Variants in CCDC146 observed in about 807,000 individuals in gnomAD.
The protein encoded by CCDC146 is coiled-coil domain-containing protein 146.
Under a neutral mutation model 119.3 loss-of-function variants are expected in CCDC146, and 92 were observed. The ratio of observed to expected loss-of-function variants is 0.77; its 90% CI spans 0.65 to 0.92. The LOEUF is 0.92. CCDC146 is among the 40% of genes least tolerant of loss of function. The pLI is 0.00. For missense variants in CCDC146, 1,000 were observed against 1,103.0 expected (o/e 0.91, Z 1.32); for synonymous variants, 372 against 371.8 (o/e 1.00, Z -0.01).
chr7:77,171,681 G>A (rs1310660660), intron 2 of CCDC146, among the ~76,000 whole-genome samples: 1 of 152,096 alleles, frequency 6.6e-6, no homozygotes, highest in Non-Finnish European at 1.5e-5. Context: ...TGCCCATCAG[G>A]GCTCTTCTAA....
intron 2 of CCDC146, among the ~76,000 whole-genome samples, chr7:77,197,893 A>G (rs1791905578): frequency 6.6e-6 from 1 of 152,224 alleles, no homozygotes; most frequent in Non-Finnish European, 1.5e-5. Context: ...AAAGTTCTGT[A>G]TGAATCAGAC....
intron 14 of CCDC146, among the ~76,000 whole-genome samples, chr7:77,281,113 C>CAAAAA (rs368247535): frequency 2.9e-3 from 386 of 131,698 alleles, no homozygotes; most frequent in African/African-American, 9.5e-3. Context: ...CAAAAACAAA[C>CAAAAA]AAAAAAAAAA....
chr7:77,130,843 C>T (rs1397230535), intron 1 of CCDC146, among the ~76,000 whole-genome samples: 6 of 150,336 alleles, frequency 4.0e-5, no homozygotes, highest in South Asian at 2.1e-4. Context: ...GTGATCCGCC[C>T]GTCTGGGCCT....
chr7:77,262,853 C>A (rs1793327206), intron 9 of CCDC146, among the ~76,000 whole-genome samples: 1 of 152,190 alleles, frequency 6.6e-6, no homozygotes, highest in African/African-American at 2.4e-5. Context: ...TCTGTGTTCC[C>A]AAGTGAGGGG....
At chr7:77,148,720 C>G (rs2065568910) in intron 1 of CCDC146, among the ~76,000 whole-genome samples, 1 of 152,158 alleles carries the variant, frequency 6.6e-6, no homozygotes, top group South Asian at 2.1e-4. Flanking sequence ...GAGTAAACTC[C>G]CATTCACAAT....
At chr7:77,233,907 ATT>A (rs11317661) in intron 2 of CCDC146, among the ~76,000 whole-genome samples, 213 of 144,614 alleles carry the variant, frequency 1.5e-3, no homozygotes, top group South Asian at 0.013. Context: ...GTATTCTATC[ATT>A]TTTTTTTTTT....
intron 11 of CCDC146, among the ~76,000 whole-genome samples, chr7:77,275,412 C>T (rs1793615183): frequency 6.6e-6 from 1 of 152,018 alleles, no homozygotes; most frequent in Non-Finnish European, 1.5e-5. Flanking sequence ...AAAGATAGTC[C>T]CAAGATTCAA....
chr7:77,237,480 G>A (rs1792759730), intron 3 of CCDC146, among the ~76,000 whole-genome samples: 1 of 152,220 alleles, frequency 6.6e-6, no homozygotes. Flanking sequence ...GAGGGACACA[G>A]GTGCTGCTGA....
chr7:77,138,423 A>G (rs1790889366), intron 1 of CCDC146, among the ~76,000 whole-genome samples: 1 of 152,110 alleles, frequency 6.6e-6, no homozygotes, highest in East Asian at 1.9e-4. Flanking sequence ...ATGCAAAACT[A>G]TGAAACTTCT....
chr7:77,215,007 A>G (rs1430381065), intron 2 of CCDC146, among the ~76,000 whole-genome samples: 1 of 152,052 alleles, frequency 6.6e-6, no homozygotes, highest in Non-Finnish European at 1.5e-5. Context: ...TTATAATACT[A>G]TTATTTTCTC....
intron 1 of CCDC146, among the ~76,000 whole-genome samples, chr7:77,132,152 G>T (rs371763782): frequency 8.6e-5 from 13 of 151,766 alleles, no homozygotes; most frequent in African/African-American, 2.9e-4. Flanking sequence ...CATTTTCAGA[G>T]AAATAATAAT....
intron 1 of CCDC146, among the ~76,000 whole-genome samples, chr7:77,132,014 G>T (rs1490861698): frequency 2.0e-5 from 3 of 152,194 alleles, no homozygotes; most frequent in Non-Finnish European, 4.4e-5. Context: ...TTGATAGAAT[G>T]CATAGAACTG....
At chr7:77,191,648 C>T (rs1451250912) in intron 2 of CCDC146, among the ~76,000 whole-genome samples, 1 of 152,140 alleles carries the variant, frequency 6.6e-6, no homozygotes. Flanking sequence ...GTGGCTCACG[C>T]CTGTAATCCC....
At chr7:77,133,851 ACACT>A (rs1385216179) in intron 1 of CCDC146, among the ~76,000 whole-genome samples, 5 of 142,252 alleles carry the variant, frequency 3.5e-5, no homozygotes, top group East Asian at 3.9e-4. Flanking sequence ...ACACACACAC[ACACT>A]CACACACACA....
chr7:77,255,182 AC>A (rs1247771592), intron 5 of CCDC146: 8 of 152,150 alleles, frequency 5.3e-5, no homozygotes, highest in Non-Finnish European at 8.8e-5. Flanking sequence ...AATATGTAAG[AC>A]CTTTTTGGGC....
intron 1 of CCDC146, among the ~76,000 whole-genome samples, chr7:77,146,344 C>A (rs907618773): frequency 6.6e-6 from 1 of 152,050 alleles, no homozygotes; most frequent in African/African-American, 2.4e-5. Flanking sequence ...ATACAGCACA[C>A]CGATGAGTCT....
intron 2 of CCDC146, 147 bp from the exon 3 acceptor site, chr7:77,236,800 C>A: frequency 1.6e-6 from 1 of 612,082 alleles, no homozygotes; most frequent in Non-Finnish European, 2.9e-6. Context: ...CTCCAAACAC[C>A]TGGCATGTTT....
At chr7:77,184,784 A>G (rs1056565215) in intron 2 of CCDC146, among the ~76,000 whole-genome samples, 11 of 152,230 alleles carry the variant, frequency 7.2e-5, no homozygotes, top group Admixed American at 3.3e-4. Flanking sequence ...CCACTAGGTT[A>G]AATAGGGACA....
At chr7:77,142,292 T>C (rs1331750721) in intron 1 of CCDC146, among the ~76,000 whole-genome samples, 1 of 149,768 alleles carries the variant, frequency 6.7e-6, no homozygotes, top group Non-Finnish European at 1.5e-5. Context: ...TGTTTGCAGA[T>C]GACATGATTG....
Sources: allele counts gnomAD v4.1 joint callset (sites outside exome capture counted in the v4.1 genomes callset), GRCh38; gene constraint gnomAD v4.1.1; transcripts MANE v1.5; gene names NCBI Gene and HGNC (gene_info 2026-07-23, HGNC 2026-07-21).